Variants in STN1 observed in about 807,000 individuals in gnomAD.
STN1 encodes CST complex subunit STN1.
Under a neutral mutation model 45.5 loss-of-function variants are expected in STN1, and 29 were observed. That is an observed-to-expected ratio of 0.64 (90% CI 0.47 to 0.87). The LOEUF is 0.87. Among genes scored for constraint, STN1 ranks in the 40% least tolerant of loss-of-function variants. The pLI, the probability that STN1 is intolerant of heterozygous loss-of-function variation, is 0.00. For synonymous variants in STN1, 148 were observed against 159.0 expected (o/e 0.93, Z 0.52); for missense variants, 376 against 441.4 (o/e 0.85, Z 1.33).
At chr10:103,896,508 G>A (rs1351138561) in intron 7 of STN1, among the ~76,000 whole-genome samples, 1 of 152,132 alleles carries the variant, frequency 6.6e-6, no homozygotes, top group South Asian at 2.1e-4. Context: ...CAATGAAAGG[G>A]AAAGCCTAAA....
chr10:103,899,928 C>G, intron 5 of STN1, 134 bp downstream of exon 5: 1 of 644,708 alleles, frequency 1.6e-6, no homozygotes, highest in South Asian at 2.3e-5. Flanking sequence ...GCATGTTAAA[C>G]AATGTAATTC....
At chr10:103,890,330 A>C (rs1168356408) in intron 8 of STN1, among the ~76,000 whole-genome samples, 1 of 152,162 alleles carries the variant, frequency 6.6e-6, no homozygotes, top group African/African-American at 2.4e-5. Flanking sequence ...GAACCTAGGA[A>C]AGCACTAGGC....
At chr10:103,913,903 C>A (rs1282736050) in intron 2 of STN1, among the ~76,000 whole-genome samples, 1 of 152,002 alleles carries the variant, frequency 6.6e-6, no homozygotes, top group Non-Finnish European at 1.5e-5. Flanking sequence ...GATCATCAGG[C>A]CCCCAAGAAG....
At chr10:103,900,288 T>G in intron 4 of STN1, 65 bp from the exon 5 acceptor site, 1 of 1,527,340 alleles carries the variant, frequency 6.5e-7, no homozygotes, top group Non-Finnish European at 8.9e-7. Context: ...ACCACATCTG[T>G]GAGACAGTTT....
chr10:103,910,595 A>G lies in STN1; in HGVS notation c.161T>C (p.Ile54Thr). The G allele has an allele frequency of 6.2e-7, 1 of 1,608,970 alleles. No homozygotes were observed. Among genetic ancestry groups the G allele is most frequent in the Non-Finnish European group, 8.5e-7 (1 of 1,175,834 alleles). The change falls in exon 3 of 10, where the codon ATA becomes ACA. Residue 54 changes from isoleucine to threonine, a missense_variant. Transcript: ENST00000224950. The part of the protein sequence containing the change: ...PGVFLYNGHP[I>T]KQVDVLGTVI... ...AGTTCCCAAGACATCTACCTGTTTT[A>G]TTGGATGTCCATTGTACAAAAATAC...
chr10:103,914,370 ATATAT>A (rs1360615031), intron 2 of STN1, among the ~76,000 whole-genome samples: 17 of 29,046 alleles, frequency 5.9e-4, no homozygotes, highest in East Asian at 1.5e-3. Context: ...ATATATATAT[ATATAT>A]TTTTTTTTTT....
intron 2 of STN1, among the ~76,000 whole-genome samples, chr10:103,911,374 A>G (rs2488001): frequency 0.85 from 128,611 of 152,016 alleles, 55,342 homozygotes; most frequent in East Asian, 1. Context: ...CTGTCCCCCA[A>G]TAACCTAACC....
chr10:103,890,437 G>A (rs1437931004), intron 8 of STN1, among the ~76,000 whole-genome samples: 2 of 152,192 alleles, frequency 1.3e-5, no homozygotes, highest in African/African-American at 2.4e-5. Flanking sequence ...CAGAGATGGC[G>A]ACAAGAGATC....
chr10:103,882,522 A>T lies in STN1; in HGVS notation c.*162T>A. On this transcript the variant is annotated 3_prime_UTR_variant, in exon 10 of 10. Coordinates refer to ENST00000224950, the MANE Select transcript of STN1 (RefSeq NM_024928.5). Reference sequence around the variant, plus strand: ...ACATAGTGGACAGAAGGGAGCCAACAACATTTATGCCAAATCCCATTCCCA... The same window carrying T: ...ACATAGTGGACAGAAGGGAGCCAACTACATTTATGCCAAATCCCATTCCCA... The T allele has an allele frequency of 1.4e-6, 1 of 692,986 alleles. No homozygotes were observed. Among genetic ancestry groups the T allele is most frequent in the South Asian group, 2.2e-5 (1 of 45,476 alleles). The allele number at this position is 692,986 out of a possible 1,614,324, so 42.9% of individuals were successfully genotyped here. A position where few individuals can be genotyped will look rare whatever the true frequency, so the allele number is the denominator to read the frequency against.
rs1843144778 is a variant in STN1 at position 103,892,266 on chromosome 10, AAAAAGAAAAAAG to A, written c.754-26_754-15del. The A allele has an allele frequency of 6.3e-7, 1 of 1,577,748 alleles. No individual in the cohort carries two copies. Among genetic ancestry groups the A allele is most frequent in the Non-Finnish European group, 8.5e-7 (1 of 1,170,120 alleles). ...CTTAAAATTCACCTGTAAAGAGAGGAAAAAGAAAAAAGAAAAGAAATAAGTCTCACCTTACGG... is the reference window on the plus strand; with the variant it reads ...CTTAAAATTCACCTGTAAAGAGAGGAAAAAGAAATAAGTCTCACCTTACGG... On this transcript the variant is annotated splice_polypyrimidine_tract_variant and intron_variant, in intron 7 of 9. Coordinates refer to ENST00000224950, the MANE Select transcript of STN1 (RefSeq NM_024928.5).
chr10:103,909,386 A>G lies in STN1; in HGVS notation c.229+1141T>C, dbSNP rs200189638. 6.9e-5 allele frequency among the ~76,000 whole-genome samples: 6 copies of G among 86,336 alleles called. 1 individual carries two copies. The East Asian group carries it at 1.6e-3, about 23-fold the overall frequency. 56.6% of individuals were successfully genotyped at this position (86,336 alleles called of 152,430 possible). On this transcript the variant is annotated intron_variant, in intron 3 of 9. Coordinates refer to ENST00000224950, the MANE Select transcript of STN1 (RefSeq NM_024928.5). ...AAAAAATATATATATATATGTATAT[A>G]TATGTATATATGTATATATATGTAT... is the stretch of plus-strand genomic sequence containing the variant.
chr10:103,895,320 G>C (rs1355408098), intron 7 of STN1, among the ~76,000 whole-genome samples: 1 of 152,200 alleles, frequency 6.6e-6, no homozygotes, highest in Non-Finnish European at 1.5e-5. Flanking sequence ...TCCTCAAAGA[G>C]TCCTTAAGTC....
At position 103,880,013 on chromosome 10, in the gene STN1, A is replaced by G. The variant is rs1314224540; in HGVS notation, c.*2671T>C. Among the ~76,000 whole-genome samples, 1 of 152,182 alleles carries G rather than the reference A, an allele frequency of 6.6e-6. No individual in the cohort carries two copies. The highest frequency in any genetic ancestry group is 1.5e-5 in the Non-Finnish European group (1 of 68,026). Reference sequence around the variant, plus strand: ...TGACGGCCCACCTGGGCCTCGCTTGACCATGCTACCTGCTGCAGGAGACGG... The same window carrying G: ...TGACGGCCCACCTGGGCCTCGCTTGGCCATGCTACCTGCTGCAGGAGACGG... On this transcript the variant is annotated 3_prime_UTR_variant, in exon 10 of 10. Transcript: ENST00000224950.
In STN1 at chr10:103,881,420, T is replaced by C. The variant is rs1401684404; in HGVS notation, c.*1264A>G. Among the ~76,000 whole-genome samples the C allele has an allele frequency of 6.6e-6, 1 of 152,204 alleles. No homozygotes were observed. The highest frequency in any genetic ancestry group is 2.4e-5 in the African/African-American group (1 of 41,456). Reference sequence around the variant, plus strand: ...GCAGACTCTATGCTAGGGACCCTTCTGTACACAGAGAAGATGCAGGGCAGC... The same window carrying C: ...GCAGACTCTATGCTAGGGACCCTTCCGTACACAGAGAAGATGCAGGGCAGC... On this transcript the variant is annotated 3_prime_UTR_variant, in exon 10 of 10. Transcript: ENST00000224950.
At chr10:103,902,259 C>G (rs1370941401) in intron 4 of STN1, among the ~76,000 whole-genome samples, 3 of 152,152 alleles carry the variant, frequency 2.0e-5, no homozygotes, top group Non-Finnish European at 4.4e-5. Flanking sequence ...CAAAAAATCC[C>G]CAACTGCTAC....
chr10:103,898,126 G>A (rs1462121374), intron 6 of STN1, among the ~76,000 whole-genome samples: 1 of 152,136 alleles, frequency 6.6e-6, no homozygotes, highest in Non-Finnish European at 1.5e-5. Context: ...CAGGAAAATG[G>A]AGAATTTTCA....
Position 103,898,860 on chromosome 10 carries a change from G to T in STN1, c.581+17C>A, listed in dbSNP as rs747622285. ...CTGCCGTGGTCACGTGCTCAGCAGTGATAAGTCACCACTTACCTTAGTGCC... is the reference window on the plus strand; with the variant it reads ...CTGCCGTGGTCACGTGCTCAGCAGTTATAAGTCACCACTTACCTTAGTGCC... On this transcript the variant is annotated intron_variant, in intron 6 of 9. Transcript: ENST00000224950. 19 of 1,613,230 alleles carry T rather than the reference G, an allele frequency of 1.2e-5. No homozygotes were observed. The South Asian group carries it at 1.8e-4, about 15-fold the overall frequency.
intron 9 of STN1, among the ~76,000 whole-genome samples, chr10:103,888,251 T>G (rs758424145): frequency 2.0e-5 from 3 of 152,186 alleles, no homozygotes; most frequent in Non-Finnish European, 4.4e-5. Flanking sequence ...CAGGGATGTA[T>G]GGGCCGAAGG....
intron 7 of STN1, among the ~76,000 whole-genome samples, chr10:103,893,197 G>C (rs1466761615): frequency 6.6e-6 from 1 of 151,448 alleles, no homozygotes; most frequent in Non-Finnish European, 1.5e-5. Context: ...TTTTGAGACA[G>C]AGTCTCTGTC....
Sources: gnomAD v4.1 joint callset for allele counts (sites outside exome capture counted in the v4.1 genomes callset) on GRCh38, gnomAD v4.1.1 for gene constraint, MANE v1.5 for transcripts, NCBI Gene and HGNC (gene_info 2026-07-23, HGNC 2026-07-21) for gene names.